BMP3: variants seen among roughly 807,000 people sequenced by gnomAD.
BMP3 encodes the protein bone morphogenetic protein 3, also known as bone morphogenetic protein 3 (osteogenic).
BMP3 carries 23 observed loss-of-function variants against 38.1 expected under a neutral mutation model. That is an observed-to-expected ratio of 0.60 (90% CI 0.43 to 0.86). BMP3 has a LOEUF of 0.86. Ranked by LOEUF, BMP3 falls within the 40% of genes least tolerant of loss-of-function variation. The probability of loss-of-function intolerance (pLI) is 0.00; values close to 1 mark genes in which losing one functional copy is unlikely to be tolerated. For missense variants in BMP3, 628 were observed against 579.6 expected, an observed-to-expected ratio of 1.08 and a Z score of -0.86; for synonymous variants, 258 against 225.7, an observed-to-expected ratio of 1.14 and a Z score of -1.28.
chr4:81,054,672 TACAAA>T lies in BMP3; in HGVS notation c.*1140_*1144del, dbSNP rs2109915361. Reference sequence around the variant, plus strand: ...ACGAAATCTACAAGTTAGCAAAGCTTACAAAACATTATTCGTCAGGTATGGGAATC... The same window carrying T: ...ACGAAATCTACAAGTTAGCAAAGCTTACATTATTCGTCAGGTATGGGAATC... On this transcript the variant is annotated 3_prime_UTR_variant, in exon 3 of 3. Transcript: ENST00000282701. The T allele has an allele frequency of 6.6e-6, 1 of 152,356 alleles. No homozygotes were observed. The highest frequency in any genetic ancestry group is 6.5e-5 in the Admixed American group (1 of 15,292). The allele number at this position is 152,356 out of a possible 1,614,324, so 9.4% of individuals were successfully genotyped here. A position where few individuals can be genotyped will look rare whatever the true frequency, so the allele number is the denominator to read the frequency against.
At position 81,055,402 on chromosome 4, in the gene BMP3, G is replaced by A. The variant is rs1389204668; in HGVS notation, c.*1866G>A. ...GACACACCAGTTCTAAAAAAAATGA[G>A]TGAAGTTCTGGTGCCTGAGTTACCA... On this transcript the variant is annotated 3_prime_UTR_variant, in exon 3 of 3. Coordinates refer to ENST00000282701, the MANE Select transcript of BMP3 (RefSeq NM_001201.5). 2 of 152,160 alleles carry A rather than the reference G, an allele frequency of 1.3e-5. No individual in the cohort carries two copies. The highest frequency in any genetic ancestry group is 3.9e-4 in the East Asian group (2 of 5,194). 9.4% of individuals were successfully genotyped at this position (152,160 alleles called of 1,614,324 possible).
intron 1 of BMP3, among the ~76,000 whole-genome samples, chr4:81,039,794 C>T (rs910340837): frequency 1.3e-5 from 2 of 152,050 alleles, no homozygotes; most frequent in Non-Finnish European, 2.9e-5. Context: ...TAGGGTCAAG[C>T]CCTGTGTTGG....
chr4:81,031,234 G>C lies in BMP3; in HGVS notation c.-51G>C. The C allele has an allele frequency of 6.6e-7, 1 of 1,504,174 alleles. No individual in the cohort carries two copies. Among genetic ancestry groups the C allele is most frequent in the Non-Finnish European group, 8.9e-7 (1 of 1,123,614 alleles). The allele number at this position is 1,504,174 out of a possible 1,614,324, so 93.2% of individuals were successfully genotyped here. On this transcript the variant is annotated 5_prime_UTR_variant, in exon 1 of 3. Transcript: ENST00000282701. ...CCGCCGCCGGCTCCTTGCGCCTTCG[G>C]AGTGTCCCGCAGCGACGCCGGGAGC...
chr4:81,031,327 T>C lies in BMP3; in HGVS notation c.43T>C (p.Phe15Leu), dbSNP rs1420490763. The change falls in exon 1 of 3, where the codon TTC becomes CTC. Residue 15 changes from phenylalanine (F) to leucine (L), a missense_variant. Physicochemically the swap from Phe to Leu is conservative, Grantham distance 22 (BLOSUM62 0). Transcript: ENST00000282701. ...SRLLFLWLGC[F>L]CVSLAQGERP... ...GCTGCTCTTTCTGTGGCTGGGCTGC[T>C]TCTGCGTGAGCCTGGCGCAGGGAGA... 2.5e-6 allele frequency: 4 copies of C among 1,610,652 alleles called. No homozygotes were observed. In the South Asian group the frequency reaches 4.4e-5, roughly 18 times the overall value.
At chr4:81,043,429 T>C (rs1247727521) in intron 1 of BMP3, among the ~76,000 whole-genome samples, 2 of 152,192 alleles carry the variant, frequency 1.3e-5, no homozygotes, top group Non-Finnish European at 1.5e-5. Flanking sequence ...AGTTAACTCT[T>C]AAATTTATGG....
chr4:81,033,094 G>A (rs986318510), intron 1 of BMP3, among the ~76,000 whole-genome samples: 1 of 152,184 alleles, frequency 6.6e-6, no homozygotes, highest in Non-Finnish European at 1.5e-5. Flanking sequence ...GGGTGAGCTA[G>A]GCAGGTGGCA....
rs1430483368 is a variant in BMP3 at position 81,046,024 on chromosome 4, T to C, written c.603T>C (p.Asp201=). ...HRDIMSWLSK[D]ITQLLRKAKE... ...ATATTATGTCCTGGCTGTCTAAAGA[T>C]ATCACTCAACTCTTGAGGAAGGCCA... The change falls in exon 2 of 3, where the codon GAT becomes GAC. Residue 201 remains aspartate (D), a synonymous_variant. Coordinates refer to ENST00000282701, the MANE Select transcript of BMP3 (RefSeq NM_001201.5). The C allele has an allele frequency of 1.2e-6, 2 of 1,614,042 alleles. No homozygotes were observed. Among genetic ancestry groups the C allele is most frequent in the East Asian group, 2.2e-5 (1 of 44,894 alleles).
At chr4:81,034,188 C>T (rs899753940) in intron 1 of BMP3, among the ~76,000 whole-genome samples, 45 of 152,196 alleles carry the variant, frequency 3.0e-4, no homozygotes, top group Non-Finnish European at 6.3e-4. Flanking sequence ...AAACCCTTTT[C>T]TCCTCCCTGA....
chr4:81,051,448 A>C (rs1740397946), intron 2 of BMP3, among the ~76,000 whole-genome samples: 2 of 152,208 alleles, frequency 1.3e-5, no homozygotes, highest in Non-Finnish European at 2.9e-5. Flanking sequence ...CACTTTGTAT[A>C]AAATTCAAAT....
rs1303248307 is a variant in BMP3 at position 81,045,922 on chromosome 4, A to T, written c.501A>T (p.Ala167=). 1 of 1,614,104 alleles carries T rather than the reference A, an allele frequency of 6.2e-7. No individual in the cohort carries two copies. The highest frequency in any genetic ancestry group is 1.1e-5 in the South Asian group (1 of 91,074). ...AACACATTCAGATTGATCTTTCTGC[A>T]TGGACCCTCAAATTCAGCAGAAACC... ...QRKHIQIDLS[A]WTLKFSRNQS... Residue 167 remains alanine (A), a synonymous_variant, in exon 2 of 3, where the codon GCA becomes GCT. Transcript: ENST00000282701.
rs1240905580 is a variant in BMP3 at position 81,056,761 on chromosome 4, G to T, written c.*3225G>T. 3 of 152,400 alleles carry T rather than the reference G, an allele frequency of 2.0e-5. No homozygotes were observed. Among genetic ancestry groups the T allele is most frequent in the Non-Finnish European group, 4.4e-5 (3 of 67,990 alleles). The allele number at this position is 152,400 out of a possible 1,614,324, so 9.4% of individuals were successfully genotyped here. A position where few individuals can be genotyped will look rare whatever the true frequency, so the allele number is the denominator to read the frequency against. On this transcript the variant is annotated 3_prime_UTR_variant, in exon 3 of 3. Transcript: ENST00000282701. ...TAACTGATGATCATTTATATGTTAA[G>T]ATTTTTTACCTTAATATTTCTGAAT... is the stretch of plus-strand genomic sequence containing the variant.
chr4:81,052,786 C>G (rs1740431163), intron 2 of BMP3, among the ~76,000 whole-genome samples: 1 of 152,100 alleles, frequency 6.6e-6, no homozygotes, highest in African/African-American at 2.4e-5. Context: ...AATCAATACC[C>G]CTCTGACCTG....
rs1477445414 is a variant in BMP3 at position 81,031,688 on chromosome 4, T to G, written c.316+88T>G. On this transcript the variant is annotated intron_variant, in intron 1 of 2. Coordinates refer to ENST00000282701, the MANE Select transcript of BMP3 (RefSeq NM_001201.5). ...CACAGCTTCCTTGTCTGCCCCTTGC[T>G]TGGTGGCGCTGCCTAGGGACCTTTC... is the stretch of plus-strand genomic sequence containing the variant. 20 of 1,416,972 alleles carry G rather than the reference T, an allele frequency of 1.4e-5. No individual in the cohort carries two copies. The East Asian group carries it at 4.7e-4, about 34-fold the overall frequency. 87.8% of individuals were successfully genotyped at this position (1,416,972 alleles called of 1,614,324 possible). A position where few individuals can be genotyped will look rare whatever the true frequency, so the allele number is the denominator to read the frequency against.
At chr4:81,040,700 T>C (rs1016693036) in intron 1 of BMP3, among the ~76,000 whole-genome samples, 2 of 152,220 alleles carry the variant, frequency 1.3e-5, no homozygotes, top group Admixed American at 1.3e-4. Context: ...AGTTGCTCTC[T>C]TCTGCATTAA....
At chr4:81,040,083 G>T (rs1740029289) in intron 1 of BMP3, among the ~76,000 whole-genome samples, 1 of 152,162 alleles carries the variant, frequency 6.6e-6, no homozygotes, top group Non-Finnish European at 1.5e-5. Flanking sequence ...AGCTTGTTCA[G>T]AAACTCACCT....
At position 81,053,483 on chromosome 4, in the gene BMP3, G is replaced by A. The variant is rs1418945438; in HGVS notation, c.1366G>A (p.Val456Ile). 1 of 1,608,276 alleles carries A rather than the reference G, an allele frequency of 6.2e-7. No individual in the cohort carries two copies. Among genetic ancestry groups the A allele is most frequent in the Non-Finnish European group, 8.5e-7 (1 of 1,177,474 alleles). ...SILFFDENKN[V>I]VLKVYPNMTV... ...TTTATTCTTTGATGAAAATAAGAAT[G>A]TAGTGCTTAAAGTATACCCTAACAT... is the stretch of plus-strand genomic sequence containing the variant. The change falls in exon 3 of 3, where the codon GTA becomes ATA. Residue 456 changes from valine (V) to isoleucine (I), a missense_variant. By Grantham distance (29) the Val-to-Ile change is conservative (BLOSUM62 3). Coordinates refer to ENST00000282701, the MANE Select transcript of BMP3 (RefSeq NM_001201.5).
At chr4:81,046,713 A>C in intron 2 of BMP3, 65 bp downstream of exon 2, 1 of 1,516,270 alleles carries the variant, frequency 6.6e-7, no homozygotes, top group Non-Finnish European at 8.9e-7. Context: ...ACATTGACTA[A>C]GTTAGTGTGC....
chr4:81,032,057 T>C (rs190645610), intron 1 of BMP3, among the ~76,000 whole-genome samples: 12 of 152,084 alleles, frequency 7.9e-5, no homozygotes, highest in African/African-American at 2.9e-4. Flanking sequence ...CCGAGAGAAA[T>C]CATACTTGAA....
In BMP3 at chr4:81,031,420, C is replaced by A; in HGVS notation, c.136C>A (p.Pro46Thr). 1.2e-6 allele frequency: 2 copies of A among 1,613,718 alleles called. No homozygotes were observed. The highest frequency in any genetic ancestry group is 1.7e-6 in the Non-Finnish European group (2 of 1,179,888). Residue 46 changes from proline (P) to threonine (T), a missense_variant, in exon 1 of 3, where the codon CCG (proline) becomes ACG (threonine). By Grantham distance (38) the Pro-to-Thr change is conservative (BLOSUM62 -1). Coordinates refer to ENST00000282701, the MANE Select transcript of BMP3 (RefSeq NM_001201.5). The stretch of plus-strand genomic sequence containing the variant: ...AGGTGACCGCACGGCAGGTGGTGGC[C>A]CGGACTCCGAGCTGCAGCCGCAAGA... ...VPGDRTAGGG[P>T]DSELQPQDKV...
Sources: allele counts gnomAD v4.1 joint callset (sites outside exome capture counted in the v4.1 genomes callset), GRCh38; gene constraint gnomAD v4.1.1; transcripts MANE v1.5; gene names NCBI Gene and HGNC (gene_info 2026-07-23, HGNC 2026-07-21).